Variants in ALMS1 observed in about 807,000 individuals in gnomAD.
ALMS1 encodes the protein ALMS1 centrosome and basal body associated protein.
ALMS1 carries 271 observed loss-of-function variants against 352.2 expected under a neutral mutation model. The ratio of observed to expected loss-of-function variants is 0.77; its 90% CI spans 0.70 to 0.85. The LOEUF is 0.85. Ranked by LOEUF, ALMS1 falls within the 40% of genes least tolerant of loss-of-function variation. The probability of loss-of-function intolerance (pLI) is 0.00; values close to 1 mark genes in which losing one functional copy is unlikely to be tolerated. For synonymous variants in ALMS1, 1,865 were observed against 1,761.2 expected, an observed-to-expected ratio of 1.06 and a Z score of -1.48; for missense variants, 5,445 against 4,870.7, an observed-to-expected ratio of 1.12 and a Z score of -3.51.
intron 1 of ALMS1, among the ~76,000 whole-genome samples, chr2:73,397,438 C>T (rs1284170465): frequency 2.0e-5 from 3 of 151,262 alleles, no homozygotes; most frequent in Admixed American, 6.6e-5. Context: ...TCTTTATATG[C>T]TTCACCAGAC....
intron 1 of ALMS1, among the ~76,000 whole-genome samples, chr2:73,387,492 G>A (rs545835098): frequency 1.1e-3 from 172 of 152,290 alleles, no homozygotes; most frequent in African/African-American, 4.1e-3. Flanking sequence ...GGTTAATCAG[G>A]CAAAGGGGAG....
chr2:73,525,724 G>T (rs11893899), intron 11 of ALMS1, among the ~76,000 whole-genome samples: 8,733 of 151,714 alleles, frequency 0.058, 842 homozygotes, highest in African/African-American at 0.2. Context: ...CCTCCTATTC[G>T]GTGGTTTGTC....
intron 9 of ALMS1, among the ~76,000 whole-genome samples, chr2:73,481,366 T>A (rs1024945942): frequency 0.01 from 1,549 of 152,276 alleles, 39 homozygotes; most frequent in African/African-American, 0.035. Flanking sequence ...TTCTCAGGTT[T>A]GTCAAAGATC....
At chr2:73,484,247 G>A (rs1461561076) in intron 9 of ALMS1, among the ~76,000 whole-genome samples, 21 of 151,512 alleles carry the variant, frequency 1.4e-4, no homozygotes, top group Admixed American at 1.4e-3. Flanking sequence ...CTTCCTTCAG[G>A]AGCTCTTTTA....
rs1177412212 is a variant in ALMS1 at position 73,448,780 on chromosome 2, C to T, written c.2253C>T (p.Asp751=). 1.9e-6 allele frequency: 3 copies of T among 1,613,988 alleles called. No homozygotes were observed. Among genetic ancestry groups the T allele is most frequent in the Non-Finnish European group, 2.5e-6 (3 of 1,179,990 alleles). The part of the protein sequence containing the change: ...TKVSATPGPA[D]QKTEIPAVQS... ...TTTCAGCCACTCCTGGACCAGCTGA[C>T]CAGAAGACTGAGATACCAGCAGTAC... The change falls in exon 8 of 23, where the codon GAC becomes GAT. Residue 751 remains aspartate (D), a synonymous_variant. Coordinates refer to ENST00000613296, the MANE Select transcript of ALMS1 (RefSeq NM_001378454.1).
At chr2:73,414,478 T>TTTTTTTTGGTTG (rs1671143375) in intron 2 of ALMS1, among the ~76,000 whole-genome samples, 1 of 93,218 alleles carries the variant, frequency 1.1e-5, no homozygotes, top group Non-Finnish European at 2.6e-5. Context: ...TTTCCGTTTT[T>TTTTTTTTGGTTG]TTTTTTTTTT....
intron 8 of ALMS1, chr2:73,454,371 G>A (rs1378759088): frequency 1.0e-6 from 1 of 985,252 alleles, no homozygotes; most frequent in Non-Finnish European, 1.2e-6. Context: ...ATGACAGAGA[G>A]TAAAGAGGTC....
intron 16 of ALMS1, among the ~76,000 whole-genome samples, chr2:73,597,821 C>T (rs1675582969): frequency 6.6e-6 from 1 of 151,712 alleles, no homozygotes; most frequent in Non-Finnish European, 1.5e-5. Context: ...GCTGCCATTC[C>T]TCCTGCCTAA....
intron 10 of ALMS1, among the ~76,000 whole-genome samples, chr2:73,513,158 T>G (rs1673486538): frequency 1.3e-5 from 2 of 152,166 alleles, no homozygotes; most frequent in South Asian, 4.1e-4. Context: ...AAACACTTTA[T>G]TGTCTGTCTC....
At chr2:73,491,608 T>C in intron 10 of ALMS1, 110 bp downstream of exon 10, 4 of 1,190,920 alleles carry the variant, frequency 3.4e-6, no homozygotes, top group Non-Finnish European at 4.9e-6. Context: ...TTTCTCTGAG[T>C]GGAGGTTGTG....
At chr2:73,525,517 C>G (rs1558681243) in intron 11 of ALMS1, among the ~76,000 whole-genome samples, 1 of 152,180 alleles carries the variant, frequency 6.6e-6, no homozygotes, top group Non-Finnish European at 1.5e-5. Context: ...TTGCATTTCT[C>G]TGATGATCAC....
intron 3 of ALMS1, among the ~76,000 whole-genome samples, chr2:73,419,669 A>G (rs956654897): frequency 4.6e-5 from 7 of 152,170 alleles, no homozygotes; most frequent in Admixed American, 4.6e-4. Flanking sequence ...TCCCCCACAA[A>G]AAACAAAAAA....
rs1231100277 is a variant in ALMS1, at chr2:73,557,319, C to G, written c.10178C>G (p.Ala3393Gly). The part of the protein sequence containing the change: ...STRAVTEAAQ[A>G]KEKESLQKDT... ...AGGGCAGTGACTGAGGCTGCCCAGG[C>G]TAAAGAAAAAGAATCTTTGCAGAAA... The change falls in exon 14 of 23, where the codon GCT becomes GGT. Residue 3393 changes from alanine (A) to glycine (G), a missense_variant. Coordinates refer to ENST00000613296, the MANE Select transcript of ALMS1 (RefSeq NM_001378454.1). 7 of 1,614,068 alleles carry G rather than the reference C, an allele frequency of 4.3e-6. No individual in the cohort carries two copies. The highest frequency in any genetic ancestry group is 5.9e-6 in the Non-Finnish European group (7 of 1,180,002).
Position 73,385,958 on chromosome 2 carries a change from A to T in ALMS1, c.90A>T (p.Ala30=), listed in dbSNP as rs1420916551. The change falls in exon 1 of 23, where the codon GCA becomes GCT. Residue 30 remains alanine, a synonymous_variant. Coordinates refer to ENST00000613296, the MANE Select transcript of ALMS1 (RefSeq NM_001378454.1). ...AGGAGGAGGAAGAGGAGGAGGCTGCAGCGGCGGCGGCGGCGAACGTGGACG... is the reference window on the plus strand; with the variant it reads ...AGGAGGAGGAAGAGGAGGAGGCTGCTGCGGCGGCGGCGGCGAACGTGGACG... The part of the protein sequence containing the change: ...EEEEEEEEEA[A]AAAAANVDDV... 7.1e-7 allele frequency: 1 copy of T among 1,399,046 alleles called. No homozygotes were observed. The highest frequency in any genetic ancestry group is 9.9e-7 in the Non-Finnish European group (1 of 1,012,324). The allele number at this position is 1,399,046 out of a possible 1,614,324, so 86.7% of individuals were successfully genotyped here.
rs756532322 is a variant in ALMS1 at position 73,455,300 on chromosome 2, A to G, written c.7674+5A>G. ...AGAACAACTGACTTGTCCAAGGTAT[A>G]AAAGAAATCTGGAAATGAAGAAAGT... On this transcript the variant is annotated splice_donor_5th_base_variant and intron_variant, in intron 9 of 22. Transcript: ENST00000613296. The G allele has an allele frequency of 3.1e-6, 5 of 1,613,952 alleles. No individual in the cohort carries two copies. The highest frequency in any genetic ancestry group is 4.2e-6 in the Non-Finnish European group (5 of 1,179,934).
At chr2:73,529,388 C>T (rs1673861765) in intron 11 of ALMS1, among the ~76,000 whole-genome samples, 1 of 152,158 alleles carries the variant, frequency 6.6e-6, no homozygotes, top group South Asian at 2.1e-4. Flanking sequence ...TTCCACATCT[C>T]TGTTTCTCCA....
intron 15 of ALMS1, among the ~76,000 whole-genome samples, chr2:73,570,862 T>A (rs1335463124): frequency 6.6e-6 from 1 of 152,164 alleles, no homozygotes; most frequent in African/African-American, 2.4e-5. Context: ...GCCCAGAATG[T>A]TCTTCTTCCT....
At chr2:73,420,129 A>G (rs1223698262) in intron 3 of ALMS1, among the ~76,000 whole-genome samples, 1 of 152,184 alleles carries the variant, frequency 6.6e-6, no homozygotes, top group East Asian at 1.9e-4. Context: ...TGCTATGGTC[A>G]AATATTTGAA....
intron 1 of ALMS1, among the ~76,000 whole-genome samples, chr2:73,405,925 A>G (rs1259269434): frequency 6.6e-6 from 1 of 152,194 alleles, no homozygotes; most frequent in East Asian, 1.9e-4. Context: ...AAGATACCTA[A>G]TACTTTGTGG....
Sources: allele counts gnomAD v4.1 joint callset (sites outside exome capture counted in the v4.1 genomes callset), GRCh38; gene constraint gnomAD v4.1.1; transcripts MANE v1.5; gene names NCBI Gene and HGNC (gene_info 2026-07-23, HGNC 2026-07-21).